BLK: variants seen among roughly 807,000 people sequenced by gnomAD.
The protein encoded by BLK is tyrosine-protein kinase Blk.
BLK carries 64 observed loss-of-function variants against 61.8 expected under a neutral mutation model. That is an observed-to-expected ratio of 1.03 (90% CI 0.85 to 1.27). The LOEUF is 1.27. BLK is among the 50% of genes most tolerant of loss of function. The pLI, the probability that BLK is intolerant of heterozygous loss-of-function variation, is 0.00. For synonymous variants in BLK, 351 were observed against 272.0 expected, an observed-to-expected ratio of 1.29 and a Z score of -2.86; for missense variants, 853 against 660.5, an observed-to-expected ratio of 1.29 and a Z score of -3.19.
intron 1 of BLK, among the ~76,000 whole-genome samples, chr8:11,516,969 T>A (rs1053908440): frequency 4.6e-5 from 7 of 152,230 alleles, no homozygotes; most frequent in African/African-American, 1.4e-4. Flanking sequence ...CATATGGTAA[T>A]TCTATGTTTA....
chr8:11,497,389 A>G (rs953051794), intron 1 of BLK, among the ~76,000 whole-genome samples: 3 of 152,016 alleles, frequency 2.0e-5, no homozygotes, highest in African/African-American at 7.2e-5. Context: ...CACCTAGGCA[A>G]CTTGCATTTG....
chr8:11,533,782 G>A (rs1377916093), intron 1 of BLK, among the ~76,000 whole-genome samples: 1 of 152,184 alleles, frequency 6.6e-6, no homozygotes, highest in Non-Finnish European at 1.5e-5. Flanking sequence ...TTATAAAAAG[G>A]GAAGTTATTT....
At position 11,526,656 on chromosome 8, in the gene BLK, T is replaced by C. The variant is rs370642913; in HGVS notation, c.-1-16568T>C. On this transcript the variant is annotated intron_variant, in intron 1 of 12. Coordinates refer to ENST00000259089, the MANE Select transcript of BLK (RefSeq NM_001715.3). ...ATCACGTGAACCTGGGAGGTGGAGG[T>C]TGCAGTGAGCTGAGACTGTGCCAGT... Among the ~76,000 whole-genome samples the C allele has an allele frequency of 1.6e-4, 25 of 152,208 alleles. 1 individual carries two copies. The South Asian group carries it at 4.6e-3, about 28-fold the overall frequency.
intron 6 of BLK, 95 bp downstream of exon 6, chr8:11,550,357 C>T: frequency 1.7e-6 from 2 of 1,209,276 alleles, no homozygotes; most frequent in East Asian, 2.4e-5. Context: ...GAAGGGGTGA[C>T]TGCCAGGAGA....
intron 1 of BLK, among the ~76,000 whole-genome samples, chr8:11,529,484 C>T (rs774310938): frequency 4.6e-5 from 7 of 152,120 alleles, no homozygotes; most frequent in African/African-American, 7.2e-5. Context: ...TGGGTGGTGC[C>T]AGCTGATCCA....
chr8:11,564,404 A>G lies in BLK; in HGVS notation c.*296A>G, dbSNP rs560124668. ...GTAAGGTGTTCAGGACTGGTAAGCGACTGTCATCAAGTAAGGCCCCCGTGC... is the reference window on the plus strand; with the variant it reads ...GTAAGGTGTTCAGGACTGGTAAGCGGCTGTCATCAAGTAAGGCCCCCGTGC... On this transcript the variant is annotated 3_prime_UTR_variant, in exon 13 of 13. Coordinates refer to ENST00000259089, the MANE Select transcript of BLK (RefSeq NM_001715.3). The G allele has an allele frequency of 6.3e-5, 40 of 633,990 alleles. No individual in the cohort carries two copies. The highest frequency in any genetic ancestry group is 5.0e-4 in the Middle Eastern group (2 of 4,018). The allele number at this position is 633,990 out of a possible 1,614,324, so 39.3% of individuals were successfully genotyped here.
At chr8:11,557,814 G>A (rs914732577) in intron 9 of BLK, 148 bp from the exon 10 acceptor site, 1 of 698,680 alleles carries the variant, frequency 1.4e-6, no homozygotes, top group Non-Finnish European at 2.6e-6. Context: ...GGCAGCAGTA[G>A]GTAGATCCTT....
rs140188373 is a variant in BLK, at chr8:11,546,080, C to T, written c.152C>T (p.Pro51Leu). ...LVVFNHLTPPPPDEHLDEDKH... is the reference protein window; with the variant it reads ...LVVFNHLTPPLPDEHLDEDKH... ...GTCTTCAACCACCTTACTCCTCCAC[C>T]GCCCGATGAACACCTGGATGAAGGT... The change falls in exon 3 of 13, where the codon CCG becomes CTG. Residue 51 changes from proline to leucine, a missense_variant. By Grantham distance (98) the Pro-to-Leu change is moderately conservative (BLOSUM62 -3). Transcript: ENST00000259089. The T allele has an allele frequency of 8.1e-5, 131 of 1,614,054 alleles. 1 individual carries two copies. The highest frequency in any genetic ancestry group is 9.7e-5 in the Non-Finnish European group (114 of 1,180,038).
chr8:11,558,964 G>T (rs1401492812), intron 10 of BLK: 1 of 456,260 alleles, frequency 2.2e-6, no homozygotes, highest in Admixed American at 2.3e-5. Context: ...CCGCTGAGGT[G>T]GGCAGACAGC....
chr8:11,563,894 CT>C lies in BLK; in HGVS notation c.1313-8del, dbSNP rs1190518107. On this transcript the variant is annotated splice_polypyrimidine_tract_variant and splice_region_variant and intron_variant, in intron 12 of 12. Transcript: ENST00000259089. ...CCCTCACCCCCGCTTGCGGTCTCCT[CT>C]GCCGCAGGGATGAGCAACCCCGAGG... 4.4e-6 allele frequency: 7 copies of C among 1,607,688 alleles called. No individual in the cohort carries two copies. Among genetic ancestry groups the C allele is most frequent in the East Asian group, 4.5e-5 (2 of 44,794 alleles).
intron 3 of BLK, among the ~76,000 whole-genome samples, chr8:11,547,001 TC>T (rs1412958696): frequency 6.6e-6 from 1 of 152,268 alleles, no homozygotes; most frequent in East Asian, 1.9e-4. Flanking sequence ...CAAAGTGACT[TC>T]CCGCAGCCTC....
rs73545895 is a variant in BLK at position 11,563,135 on chromosome 8, C to G, written c.1312+25C>G. ...GGTAGGTGGCTCACCCCGCAGCTCG[C>G]GGCTCCCTGCTTTCCCGGCCGGCCC... On this transcript the variant is annotated intron_variant, in intron 12 of 12. Transcript: ENST00000259089. 0.012 allele frequency: 19,601 copies of G among 1,613,188 alleles called. 826 individuals are homozygous for G. In the African/African-American group the frequency reaches 0.14, roughly 12 times the overall value.
chr8:11,547,234 G>A (rs908496300), intron 3 of BLK, among the ~76,000 whole-genome samples: 21 of 152,334 alleles, frequency 1.4e-4, no homozygotes, highest in African/African-American at 4.8e-4. Context: ...AAACTTCAGG[G>A]AACCACTGTC....
rs1408413860 is a variant in BLK, at chr8:11,564,543, C to T, written c.*435C>T. On this transcript the variant is annotated 3_prime_UTR_variant, in exon 13 of 13. Coordinates refer to ENST00000259089, the MANE Select transcript of BLK (RefSeq NM_001715.3). Reference sequence around the variant, plus strand: ...CGGACGCCAGCAGGGGCAGCCCCAGCCTAGGCTGCGCTCCAGCACTGCGGG... The same window carrying T: ...CGGACGCCAGCAGGGGCAGCCCCAGTCTAGGCTGCGCTCCAGCACTGCGGG... 2.1e-6 allele frequency: 1 copy of T among 471,286 alleles called. No individual in the cohort carries two copies. Among genetic ancestry groups the T allele is most frequent in the African/African-American group, 2.0e-5 (1 of 50,938 alleles). The allele number at this position is 471,286 out of a possible 1,614,324, so 29.2% of individuals were successfully genotyped here.
intron 1 of BLK, among the ~76,000 whole-genome samples, chr8:11,500,767 C>T (rs557341496): frequency 1.3e-5 from 2 of 152,310 alleles, no homozygotes; most frequent in East Asian, 1.9e-4. Flanking sequence ...CCTGCCTCAG[C>T]CTCCCAAAGT....
At chr8:11,531,422 T>G (rs1280000074) in intron 1 of BLK, among the ~76,000 whole-genome samples, 1 of 152,216 alleles carries the variant, frequency 6.6e-6, no homozygotes, top group Non-Finnish European at 1.5e-5. Flanking sequence ...ACTCATATTC[T>G]TTATATCCTT....
chr8:11,530,483 C>T (rs1799840548), intron 1 of BLK, among the ~76,000 whole-genome samples: 1 of 152,176 alleles, frequency 6.6e-6, no homozygotes, highest in Admixed American at 6.5e-5. Flanking sequence ...GTAAAATAAG[C>T]AGTGTCTCCA....
intron 1 of BLK, among the ~76,000 whole-genome samples, chr8:11,514,602 G>A (rs1415549484): frequency 1.3e-5 from 2 of 152,178 alleles, no homozygotes; most frequent in African/African-American, 4.8e-5. Context: ...AGCTGCCACT[G>A]TGGGCCTTCT....
chr8:11,563,858 A>T (rs1053986771), intron 12 of BLK, 45 bp from the exon 13 acceptor site: 18 of 1,552,486 alleles, frequency 1.2e-5, no homozygotes, highest in Non-Finnish European at 1.5e-5. Context: ...CCACCCACCG[A>T]GGACCCCAGC....
Sources: gnomAD v4.1 joint callset for allele counts (sites outside exome capture counted in the v4.1 genomes callset) on GRCh38, gnomAD v4.1.1 for gene constraint, MANE v1.5 for transcripts, NCBI Gene and HGNC (gene_info 2026-07-23, HGNC 2026-07-21) for gene names.